WDFY4: variants seen among roughly 807,000 people sequenced by gnomAD.
WDFY4 encodes the protein WD repeat- and FYVE domain-containing protein 4.
Under a neutral mutation model 351.9 loss-of-function variants are expected in WDFY4, and 169 were observed. The ratio of observed to expected loss-of-function variants is 0.48; its 90% CI spans 0.42 to 0.55. The LOEUF (loss-of-function observed/expected upper bound fraction) is 0.55. Ranked by LOEUF, WDFY4 falls within the 20% of genes least tolerant of loss-of-function variation. The pLI is 0.00. For synonymous variants in WDFY4, 1,622 were observed against 1,574.6 expected, an observed-to-expected ratio of 1.03 and a Z score of -0.71; for missense variants, 3,803 against 3,935.6, an observed-to-expected ratio of 0.97 and a Z score of 0.90.
At chr10:48,781,230 G>A (rs2947347) in intron 19 of WDFY4, among the ~76,000 whole-genome samples, 104,275 of 143,304 alleles carry the variant, frequency 0.73, 37,482 homozygotes, top group Non-Finnish European at 0.8. Context: ...ATATATATAT[G>A]TGTGTGTGTG....
intron 56 of WDFY4, 62 bp from the exon 57 acceptor site, chr10:48,970,069 C>G: frequency 6.6e-7 from 1 of 1,521,706 alleles, no homozygotes; most frequent in Non-Finnish European, 8.8e-7. Flanking sequence ...CCCCGTGACT[C>G]TATCCTGGGC....
intron 47 of WDFY4, among the ~76,000 whole-genome samples, chr10:48,904,928 A>G (rs974554080): frequency 5.3e-5 from 8 of 152,218 alleles, no homozygotes; most frequent in African/African-American, 1.9e-4. Context: ...TAAGGGTGTC[A>G]GCAAAAGCAG....
At chr10:48,789,327 C>T (rs893797518) in intron 21 of WDFY4, among the ~76,000 whole-genome samples, 4 of 152,164 alleles carry the variant, frequency 2.6e-5, no homozygotes, top group East Asian at 1.9e-4. Flanking sequence ...ATTTGCAATT[C>T]GTTTATATTC....
At chr10:48,704,475 G>A (rs10857623) in intron 1 of WDFY4, among the ~76,000 whole-genome samples, 33,398 of 152,042 alleles carry the variant, frequency 0.22, 4,995 homozygotes, top group East Asian at 0.65. Context: ...GGAGGCTCTG[G>A]GACTCCCTGC....
chr10:48,827,609 AGC>A (rs2068048943), intron 36 of WDFY4, among the ~76,000 whole-genome samples: 1 of 150,640 alleles, frequency 6.6e-6, no homozygotes, highest in Non-Finnish European at 1.5e-5. Flanking sequence ...TTATGAATAG[AGC>A]CGTGAGAGTG....
At chr10:48,939,767 C>T (rs552041276) in intron 47 of WDFY4, among the ~76,000 whole-genome samples, 116 of 152,314 alleles carry the variant, frequency 7.6e-4, no homozygotes, top group Middle Eastern at 3.4e-3. Flanking sequence ...TGTCCTGGAA[C>T]TGCTGGTAAT....
At chr10:48,840,527 A>C (rs561658299) in intron 39 of WDFY4, among the ~76,000 whole-genome samples, 1,607 of 151,492 alleles carry the variant, frequency 0.011, 28 homozygotes, top group African/African-American at 0.037. Flanking sequence ...GCACACCCCC[A>C]CCCACACACA....
At chr10:48,871,147 G>A (rs2069762320) in intron 40 of WDFY4, among the ~76,000 whole-genome samples, 1 of 152,134 alleles carries the variant, frequency 6.6e-6, no homozygotes, top group African/African-American at 2.4e-5. Context: ...GTGTTAGCCA[G>A]GATGGTCTCG....
At chr10:48,800,403 G>C (rs1448043270) in intron 24 of WDFY4, among the ~76,000 whole-genome samples, 1 of 152,138 alleles carries the variant, frequency 6.6e-6, no homozygotes, top group African/African-American at 2.4e-5. Context: ...GAGGAAGGGA[G>C]AGACAGGAAG....
intron 42 of WDFY4, among the ~76,000 whole-genome samples, chr10:48,875,873 G>A (rs2069981950): frequency 6.6e-6 from 1 of 152,206 alleles, no homozygotes; most frequent in African/African-American, 2.4e-5. Context: ...TGGCACAGAG[G>A]ATAGGATGAT....
chr10:48,887,471 T>C (rs748327914), intron 43 of WDFY4, among the ~76,000 whole-genome samples: 21 of 152,218 alleles, frequency 1.4e-4, no homozygotes, highest in Admixed American at 1.3e-3. Flanking sequence ...TGACCTGCAA[T>C]TCTGCTTATA....
chr10:48,897,710 A>T (rs1837155245), intron 45 of WDFY4, 136 bp downstream of exon 45: 16 of 1,365,836 alleles, frequency 1.2e-5, no homozygotes, highest in Non-Finnish European at 1.3e-5. Flanking sequence ...CCTTAAGGAG[A>T]CACCCGCAAG....
At chr10:48,832,747 C>T (rs951762524) in intron 39 of WDFY4, 38 bp downstream of exon 39, 40 of 1,489,914 alleles carry the variant, frequency 2.7e-5, no homozygotes, top group Non-Finnish European at 3.6e-5. Context: ...AAGTATCAGG[C>T]ATTTGCTTCA....
chr10:48,860,364 A>G (rs2069292942), intron 39 of WDFY4, among the ~76,000 whole-genome samples: 1 of 152,218 alleles, frequency 6.6e-6, no homozygotes, highest in Non-Finnish European at 1.5e-5. Flanking sequence ...TCCGAGAGCT[A>G]GGTGCCGGCT....
chr10:48,884,519 C>T lies in WDFY4; in HGVS notation c.7168-6060C>T, dbSNP rs1169299234. ...ATGCACAGACACACATGTGCAACCA[C>T]ATGCACACACATACATGTGTGCATA... On this transcript the variant is annotated intron_variant, in intron 43 of 61. Transcript: ENST00000325239. Among the ~76,000 whole-genome samples, 23 of 152,096 alleles carry T rather than the reference C, an allele frequency of 1.5e-4. 1 individual carries two copies. Among genetic ancestry groups the T allele is most frequent in the Admixed American group, 1.5e-3 (23 of 15,272 alleles).
At chr10:48,697,797 C>T (rs996681988) in intron 1 of WDFY4, among the ~76,000 whole-genome samples, 1 of 152,190 alleles carries the variant, frequency 6.6e-6, no homozygotes, top group Non-Finnish European at 1.5e-5. Flanking sequence ...TCCAGGGTCT[C>T]CCCATTACCC....
At chr10:48,782,243 A>G (rs1019195379) in intron 19 of WDFY4, among the ~76,000 whole-genome samples, 1 of 152,202 alleles carries the variant, frequency 6.6e-6, no homozygotes, top group African/African-American at 2.4e-5. Context: ...TTTAGGCTCA[A>G]TTACTGAGTT....
chr10:48,774,274 C>G (rs1243833509), intron 13 of WDFY4, among the ~76,000 whole-genome samples, 184 bp from the exon 14 acceptor site: 1 of 135,352 alleles, frequency 7.4e-6, no homozygotes, highest in Admixed American at 7.1e-5. Flanking sequence ...CACAGACTTG[C>G]CCCCCGCCAG....
chr10:48,774,894 G>A (rs1196963877), intron 14 of WDFY4, among the ~76,000 whole-genome samples: 1 of 152,194 alleles, frequency 6.6e-6, no homozygotes, highest in East Asian at 1.9e-4. Flanking sequence ...ATCACGTGGG[G>A]GCTGGAGGGG....
Sources: gnomAD v4.1 joint callset for allele counts (sites outside exome capture counted in the v4.1 genomes callset) on GRCh38, gnomAD v4.1.1 for gene constraint, MANE v1.5 for transcripts, NCBI Gene and HGNC (gene_info 2026-07-23, HGNC 2026-07-21) for gene names.